CPEB3: variants seen among roughly 807,000 people sequenced by gnomAD.
CPEB3 encodes cytoplasmic polyadenylation element binding protein 3, also known as cytoplasmic polyadenylation element-binding protein 3.
In CPEB3, 20 loss-of-function variants were observed where a neutral mutation model predicts 67.2. The ratio of observed to expected loss-of-function variants is 0.30; its 90% CI spans 0.21 to 0.43. The LOEUF (loss-of-function observed/expected upper bound fraction) is 0.43. CPEB3 is among the 20% of genes least tolerant of loss of function. CPEB3 has a pLI of 1.00. For missense variants in CPEB3, 746 were observed against 968.6 expected (o/e 0.77, Z 3.05); for synonymous variants, 376 against 393.1 (o/e 0.96, Z 0.51).
chr10:92,214,585 C>T (rs552730688), intron 2 of CPEB3, among the ~76,000 whole-genome samples: 2 of 151,948 alleles, frequency 1.3e-5, no homozygotes, highest in South Asian at 4.2e-4. Flanking sequence ...CAGGTTCAAG[C>T]GATTCTCCTG....
Position 92,239,239 on chromosome 10 carries a change from A to ACATT in CPEB3, c.1005+103_1005+106dup, listed in dbSNP as rs1851688266. On this transcript the variant is annotated intron_variant, in intron 2 of 9. Transcript: ENST00000265997. The surrounding 1 kb of genome is among the most constrained non-coding windows in gnomAD (Gnocchi z 6.0). ...CTTCGGAAGGGGAAAGAGGAGCTGG[A>ACATT]CATTGCTGCCCTTTTTAAATATAAG... is the stretch of plus-strand genomic sequence containing the variant. 3 of 1,244,526 alleles carry ACATT rather than the reference A, an allele frequency of 2.4e-6. No homozygotes were observed. The highest frequency in any genetic ancestry group is 3.4e-6 in the Non-Finnish European group (3 of 891,012). 77.1% of individuals were successfully genotyped at this position (1,244,526 alleles called of 1,614,324 possible).
At chr10:92,277,561 T>C (rs1370270984) in intron 1 of CPEB3, among the ~76,000 whole-genome samples, 1 of 152,244 alleles carries the variant, frequency 6.6e-6, no homozygotes, top group African/African-American at 2.4e-5. Flanking sequence ...AGTTTTAAAA[T>C]CAGGACGTGT....
At chr10:92,125,325 T>C (rs1483949716) in intron 6 of CPEB3, among the ~76,000 whole-genome samples, 1 of 152,220 alleles carries the variant, frequency 6.6e-6, no homozygotes, top group Admixed American at 6.5e-5. Flanking sequence ...GCCAGCATCA[T>C]TGGCTTCTGA....
chr10:92,156,054 G>A (rs1847193966), intron 4 of CPEB3, among the ~76,000 whole-genome samples: 1 of 152,108 alleles, frequency 6.6e-6, no homozygotes, highest in Non-Finnish European at 1.5e-5. Flanking sequence ...ACGCTACGTA[G>A]GGCCCAGTGT....
At chr10:92,058,539 A>T (rs1842200825) in intron 9 of CPEB3, among the ~76,000 whole-genome samples, 1 of 150,230 alleles carries the variant, frequency 6.7e-6, no homozygotes, top group Non-Finnish European at 1.5e-5. Flanking sequence ...ACAGAACAAG[A>T]CTCCATCTCA....
intron 1 of CPEB3, among the ~76,000 whole-genome samples, chr10:92,266,895 G>A (rs768259254): frequency 3.3e-5 from 5 of 151,994 alleles, no homozygotes; most frequent in African/African-American, 7.3e-5. Flanking sequence ...TTAGCCGGGC[G>A]TGGTGGCAGG....
At chr10:92,155,074 C>T (rs573713470) in intron 4 of CPEB3, among the ~76,000 whole-genome samples, 5 of 151,922 alleles carry the variant, frequency 3.3e-5, no homozygotes, top group East Asian at 1.9e-4. Context: ...CCGGGTATGG[C>T]GGTGCATGCT....
chr10:92,284,040 CT>C lies in CPEB3; in HGVS notation c.-12+6885del, dbSNP rs1229950152. Reference sequence around the variant, plus strand: ...CTGTGCCCGGCCCAGAATGGGGTCTCTTTTTTTTTTTTTTCCTGAGACAGAG... The same window carrying C: ...CTGTGCCCGGCCCAGAATGGGGTCTCTTTTTTTTTTTTTCCTGAGACAGAG... On this transcript the variant is annotated intron_variant, in intron 1 of 9. Coordinates refer to ENST00000265997, the MANE Select transcript of CPEB3 (RefSeq NM_014912.5). 7.8e-3 allele frequency among the ~76,000 whole-genome samples: 777 copies of C among 99,930 alleles called. 8 individuals are homozygous for C. The highest frequency in any genetic ancestry group is 0.022 in the African/African-American group (593 of 26,760). 65.6% of individuals were successfully genotyped at this position (99,930 alleles called of 152,430 possible).
chr10:92,278,857 C>T (rs1842124617), intron 1 of CPEB3, among the ~76,000 whole-genome samples: 1 of 152,080 alleles, frequency 6.6e-6, no homozygotes, highest in African/African-American at 2.4e-5. Flanking sequence ...CCTCGGCCTC[C>T]CAAAGTGCTG....
rs55872316 is a variant in CPEB3 at position 92,118,708 on chromosome 10, T to C, written c.1454-7514A>G. On this transcript the variant is annotated intron_variant, in intron 6 of 9. Coordinates refer to ENST00000265997, the MANE Select transcript of CPEB3 (RefSeq NM_014912.5). ...GTCGACATTGCCTCCGAGCCCACTTTAGCCCTCAGCTCTGTATCAGAAATG... is the reference window on the plus strand; with the variant it reads ...GTCGACATTGCCTCCGAGCCCACTTCAGCCCTCAGCTCTGTATCAGAAATG... 3.0e-5 allele frequency: 22 copies of C among 724,524 alleles called. No individual in the cohort carries two copies. The African/African-American group carries it at 3.3e-4, about 11-fold the overall frequency. The allele number at this position is 724,524 out of a possible 1,614,324, so 44.9% of individuals were successfully genotyped here. A position where few individuals can be genotyped will look rare whatever the true frequency, so the allele number is the denominator to read the frequency against.
At chr10:92,257,770 C>T (rs1240283150) in intron 1 of CPEB3, among the ~76,000 whole-genome samples, 1 of 145,062 alleles carries the variant, frequency 6.9e-6, no homozygotes, top group Non-Finnish European at 1.5e-5. Context: ...ACTCTTGTCA[C>T]CCAGGATGGA....
chr10:92,264,944 T>C (rs541539260), intron 1 of CPEB3, among the ~76,000 whole-genome samples: 1 of 151,946 alleles, frequency 6.6e-6, no homozygotes, highest in East Asian at 1.9e-4. Context: ...GGTGGGCGGA[T>C]CACCTGAGGT....
chr10:92,203,169 C>T (rs1234385208), intron 2 of CPEB3, among the ~76,000 whole-genome samples: 7 of 151,104 alleles, frequency 4.6e-5, no homozygotes, highest in African/African-American at 7.3e-5. Flanking sequence ...TCTTGATCTC[C>T]GGACCTCATG....
intron 1 of CPEB3, among the ~76,000 whole-genome samples, chr10:92,283,326 C>G (rs1842380746): frequency 6.6e-6 from 1 of 152,106 alleles, no homozygotes; most frequent in African/African-American, 2.4e-5. Flanking sequence ...TATTAAGAGC[C>G]CTTAACCACA....
At chr10:92,275,351 T>C (rs1419735754) in intron 1 of CPEB3, among the ~76,000 whole-genome samples, 3 of 152,222 alleles carry the variant, frequency 2.0e-5, no homozygotes, top group Non-Finnish European at 2.9e-5. Flanking sequence ...TAGACTTGAT[T>C]TCTGTGAAAC....
intron 3 of CPEB3, among the ~76,000 whole-genome samples, chr10:92,186,208 CA>C (rs1353287748): frequency 1.7e-3 from 74 of 44,358 alleles, no homozygotes; most frequent in Admixed American, 2.4e-3. Context: ...CCTGTCTCCA[CA>C]AAAAAAAAAA....
At position 92,263,718 on chromosome 10, in the gene CPEB3, G is replaced by A. The variant is rs181539927; in HGVS notation, c.-11-23357C>T. 3.1e-3 allele frequency among the ~76,000 whole-genome samples: 466 copies of A among 152,252 alleles called. 1 individual carries two copies. Among genetic ancestry groups the A allele is most frequent in the Non-Finnish European group, 5.6e-3 (382 of 68,020 alleles). On this transcript the variant is annotated intron_variant, in intron 1 of 9. Coordinates refer to ENST00000265997, the MANE Select transcript of CPEB3 (RefSeq NM_014912.5). Reference sequence around the variant, plus strand: ...TAAAAAAATATTTTGTAGAGATGGGGTCTTGTTATGTTGCCCAGGCTGGTC... The same window carrying A: ...TAAAAAAATATTTTGTAGAGATGGGATCTTGTTATGTTGCCCAGGCTGGTC...
chr10:92,091,162 T>C (rs1843601112), intron 8 of CPEB3, among the ~76,000 whole-genome samples: 1 of 152,234 alleles, frequency 6.6e-6, no homozygotes, highest in African/African-American at 2.4e-5. Context: ...TCTATGTGCA[T>C]ATAAATAACA....
intron 4 of CPEB3, among the ~76,000 whole-genome samples, chr10:92,155,615 G>A (rs149704314): frequency 8.5e-5 from 13 of 152,282 alleles, no homozygotes; most frequent in East Asian, 5.8e-4. Context: ...TTTTCTGTCC[G>A]TTCTTTTTTC....
Sources: gnomAD v4.1 joint callset for allele counts (sites outside exome capture counted in the v4.1 genomes callset) on GRCh38, gnomAD v4.1.1 for gene constraint, Gnocchi (gnomAD v3.1) non-coding constraint, MANE v1.5 for transcripts, NCBI Gene and HGNC (gene_info 2026-07-23, HGNC 2026-07-21) for gene names.